Variants in PDE4D observed in about 807,000 individuals in gnomAD.
PDE4D encodes phosphodiesterase 4D.
In PDE4D, 24 loss-of-function variants were observed where a neutral mutation model predicts 87.4. The ratio of observed to expected loss-of-function variants is 0.27; its 90% CI spans 0.20 to 0.39. The LOEUF (loss-of-function observed/expected upper bound fraction) is 0.39. Among genes scored for constraint, PDE4D ranks in the 10% least tolerant of loss-of-function variants. The pLI, the probability that PDE4D is intolerant of heterozygous loss-of-function variation, is 1.00. For synonymous variants in PDE4D, 384 were observed against 383.2 expected (o/e 1.00, Z -0.02); for missense variants, 714 against 1,041.0 (o/e 0.69, Z 4.32).
chr5:60,217,135 A>C (rs1031167089), intron 1 of PDE4D, among the ~76,000 whole-genome samples: 1 of 152,066 alleles, frequency 6.6e-6, no homozygotes. Context: ...ATAAATCTTG[A>C]GGACATTATA....
chr5:59,198,134 C>A (rs147881565), intron 2 of PDE4D, among the ~76,000 whole-genome samples: 1 of 152,074 alleles, frequency 6.6e-6, no homozygotes, highest in African/African-American at 2.4e-5. Flanking sequence ...TACTGTCTTT[C>A]ATTTAAATAA....
intron 1 of PDE4D, among the ~76,000 whole-genome samples, chr5:59,283,368 A>G (rs993105142): frequency 2.0e-5 from 3 of 152,044 alleles, no homozygotes; most frequent in African/African-American, 7.2e-5. Flanking sequence ...CCTGACTTCT[A>G]TTTTACACAT....
intron 1 of PDE4D, among the ~76,000 whole-genome samples, chr5:60,380,827 G>A (rs565424656): frequency 5.9e-5 from 9 of 152,290 alleles, no homozygotes; most frequent in Admixed American, 2.6e-4. Flanking sequence ...TATGTGTCCA[G>A]CAGTATGTTA....
intron 1 of PDE4D, among the ~76,000 whole-genome samples, chr5:59,850,927 C>A (rs1481292705): frequency 6.6e-6 from 1 of 151,972 alleles, no homozygotes. Context: ...CTGAGGTTAA[C>A]AAGAAAGCCC....
intron 1 of PDE4D, among the ~76,000 whole-genome samples, chr5:59,869,740 C>T (rs1284777491): frequency 6.6e-6 from 1 of 152,136 alleles, no homozygotes; most frequent in East Asian, 1.9e-4. Flanking sequence ...TATAACATTT[C>T]AGGTCCTCAA....
chr5:59,692,542 A>C (rs1156532932), intron 1 of PDE4D, among the ~76,000 whole-genome samples: 1 of 152,196 alleles, frequency 6.6e-6, no homozygotes, highest in Non-Finnish European at 1.5e-5. Flanking sequence ...ATACATCAAG[A>C]AGATTAAGCA....
chr5:60,198,382 A>C (rs1230550878), intron 1 of PDE4D, among the ~76,000 whole-genome samples: 1 of 151,628 alleles, frequency 6.6e-6, no homozygotes, highest in Non-Finnish European at 1.5e-5. Context: ...AAAACTAATC[A>C]GTGGAATATT....
intron 1 of PDE4D, among the ~76,000 whole-genome samples, chr5:59,876,987 C>A (rs1341434418): frequency 6.6e-6 from 1 of 152,146 alleles, no homozygotes; most frequent in Non-Finnish European, 1.5e-5. Flanking sequence ...AAAATGCATA[C>A]ATAGAACCAC....
chr5:59,815,871 C>CT (rs1768916962), intron 1 of PDE4D, among the ~76,000 whole-genome samples: 2 of 152,178 alleles, frequency 1.3e-5, no homozygotes, highest in African/African-American at 4.8e-5. Flanking sequence ...CAGCCCTGTC[C>CT]TGATCGACAT....
At chr5:59,545,812 A>T (rs1817172855) in intron 1 of PDE4D, among the ~76,000 whole-genome samples, 1 of 152,182 alleles carries the variant, frequency 6.6e-6, no homozygotes, top group South Asian at 2.1e-4. Context: ...TCATTTAAAA[A>T]TACAAATCTT....
intron 2 of PDE4D, among the ~76,000 whole-genome samples, chr5:60,054,646 T>G (rs1770581942): frequency 1.3e-5 from 2 of 151,754 alleles, no homozygotes; most frequent in Non-Finnish European, 2.9e-5. Context: ...AACCTGCACA[T>G]TCTACACATG....
At chr5:60,014,794 C>T (rs1765360378) in intron 2 of PDE4D, among the ~76,000 whole-genome samples, 1 of 152,156 alleles carries the variant, frequency 6.6e-6, no homozygotes, top group South Asian at 2.1e-4. Flanking sequence ...GGCCTCCAAA[C>T]CTTTAATGGA....
At chr5:60,253,102 C>G (rs1291318166) in intron 1 of PDE4D, among the ~76,000 whole-genome samples, 1 of 151,804 alleles carries the variant, frequency 6.6e-6, no homozygotes, top group Admixed American at 6.6e-5. Context: ...GTACCCAAGG[C>G]CAATTTATGG....
At chr5:59,941,664 T>C (rs1757196443) in intron 3 of PDE4D, among the ~76,000 whole-genome samples, 1 of 152,242 alleles carries the variant, frequency 6.6e-6, no homozygotes, top group African/African-American at 2.4e-5. Context: ...TTTCTCAAGA[T>C]GGAGGTGGAG....
At chr5:59,346,161 T>C (rs1391594423) in intron 1 of PDE4D, among the ~76,000 whole-genome samples, 5 of 152,158 alleles carry the variant, frequency 3.3e-5, no homozygotes, top group Non-Finnish European at 1.5e-5. Flanking sequence ...ATCTATGCTA[T>C]TGGAAGTCAG....
chr5:59,436,912 G>T (rs1582597367), intron 1 of PDE4D, among the ~76,000 whole-genome samples: 1 of 152,170 alleles, frequency 6.6e-6, no homozygotes, highest in Non-Finnish European at 1.5e-5. Flanking sequence ...CTTAGAAGAG[G>T]AAGTTAGTGA....
At chr5:60,146,805 A>T (rs1689068085) in intron 2 of PDE4D, among the ~76,000 whole-genome samples, 1 of 152,178 alleles carries the variant, frequency 6.6e-6, no homozygotes, top group African/African-American at 2.4e-5. Context: ...CATTTTTTAA[A>T]AAGGTAAAGG....
rs1371377632 is a variant in PDE4D, at chr5:58,972,261, C to T, written c.*2403G>A. 1 of 152,532 alleles carries T rather than the reference C, an allele frequency of 6.6e-6. No individual in the cohort carries two copies. The highest frequency in any genetic ancestry group is 2.4e-5 in the African/African-American group (1 of 41,422). The allele number at this position is 152,532 out of a possible 1,614,324, so 9.4% of individuals were successfully genotyped here. ...AATAAAATTAAAAGAAACAAGTTCCCAAATATTCTTGTGAAACTACTTGGT... is the reference window on the plus strand; with the variant it reads ...AATAAAATTAAAAGAAACAAGTTCCTAAATATTCTTGTGAAACTACTTGGT... On this transcript the variant is annotated 3_prime_UTR_variant, in exon 15 of 15. Transcript: ENST00000340635.
intron 1 of PDE4D, among the ~76,000 whole-genome samples, chr5:60,224,576 C>G (rs1194579179): frequency 6.6e-6 from 1 of 152,020 alleles, no homozygotes; most frequent in African/African-American, 2.4e-5. Context: ...CTCCCTCTCC[C>G]CTACAGGCAG....
Sources: allele counts gnomAD v4.1 joint callset (sites outside exome capture counted in the v4.1 genomes callset), GRCh38; gene constraint gnomAD v4.1.1; transcripts MANE v1.5; gene names NCBI Gene and HGNC (gene_info 2026-07-23, HGNC 2026-07-21).